The following LARS2 variants were observed in gnomAD, a reference collection of about 807,000 sequenced individuals.
The protein encoded by LARS2 is leucine--tRNA ligase, mitochondrial.
In LARS2, 81 loss-of-function variants were observed where a neutral mutation model predicts 116.6. The ratio of observed to expected loss-of-function variants is 0.69; its 90% CI spans 0.58 to 0.84. The LOEUF (loss-of-function observed/expected upper bound fraction) is 0.84. LARS2 is among the 40% of genes least tolerant of loss of function. The pLI is 0.00. For missense variants in LARS2, 968 were observed against 1,114.5 expected, an observed-to-expected ratio of 0.87 and a Z score of 1.87; for synonymous variants, 396 against 407.2, an observed-to-expected ratio of 0.97 and a Z score of 0.33.
intron 4 of LARS2, among the ~76,000 whole-genome samples, chr3:45,407,302 T>C (rs540230564): frequency 6.6e-6 from 1 of 152,336 alleles, no homozygotes; most frequent in East Asian, 1.9e-4. Context: ...GCCCGGAGAG[T>C]GCATAGCATG....
At chr3:45,518,648 A>G (rs1356801776) in intron 18 of LARS2, among the ~76,000 whole-genome samples, 1 of 152,160 alleles carries the variant, frequency 6.6e-6, no homozygotes, top group Non-Finnish European at 1.5e-5. Flanking sequence ...CACAATATCC[A>G]TGTGAACTAT....
intron 6 of LARS2, among the ~76,000 whole-genome samples, chr3:45,438,750 G>A (rs187303624): frequency 3.3e-5 from 5 of 151,800 alleles, no homozygotes; most frequent in Non-Finnish European, 7.4e-5. Context: ...CAGGAGAATC[G>A]CTTGAACGTG....
intron 20 of LARS2, among the ~76,000 whole-genome samples, chr3:45,541,211 A>G (rs1425466576): frequency 1.3e-5 from 2 of 152,150 alleles, no homozygotes; most frequent in Admixed American, 6.5e-5. Context: ...CACTCTGGGA[A>G]ACGGGGCTTG....
chr3:45,428,883 C>G (rs892643258), intron 6 of LARS2, among the ~76,000 whole-genome samples: 1 of 151,958 alleles, frequency 6.6e-6, no homozygotes, highest in Non-Finnish European at 1.5e-5. Context: ...ATATATTTCT[C>G]CCCCTGAATT....
chr3:45,461,795 A>G (rs1575270021), intron 8 of LARS2, among the ~76,000 whole-genome samples: 1 of 152,354 alleles, frequency 6.6e-6, no homozygotes, highest in South Asian at 2.1e-4. Context: ...AGGAGATGGT[A>G]ACATCAAGGA....
rs144694969 is a variant in LARS2 at position 45,474,254 on chromosome 3, C to T, written c.762C>T (p.Asp254=). 1.2e-5 allele frequency: 20 copies of T among 1,608,354 alleles called. No homozygotes were observed. In the African/African-American group the frequency reaches 1.3e-4, roughly 11 times the overall value. The change falls in exon 9 of 22, where the codon GAC becomes GAT. Residue 254 remains aspartate (D), a synonymous_variant. Coordinates refer to ENST00000645846, the MANE Select transcript of LARS2 (RefSeq NM_015340.4). The stretch of plus-strand genomic sequence containing the variant: ...TTTCATTTGCACAGGCCATGCAGGA[C>T]GCGTTGGCAGACCTTCCAGAATGGT... ...KTTAYAKAMQ[D]ALADLPEWYG... is the part of the protein sequence containing the mutation.
At chr3:45,433,688 C>T (rs1698757531) in intron 6 of LARS2, among the ~76,000 whole-genome samples, 1 of 152,092 alleles carries the variant, frequency 6.6e-6, no homozygotes, top group African/African-American at 2.4e-5. Context: ...TTGCATCTCT[C>T]ATTGCTCTTT....
intron 4 of LARS2, among the ~76,000 whole-genome samples, chr3:45,411,216 C>T (rs939171487): frequency 6.6e-6 from 1 of 152,126 alleles, no homozygotes; most frequent in Non-Finnish European, 1.5e-5. Flanking sequence ...GAGTTGCAGC[C>T]GAGGCCCTGA....
chr3:45,511,898 C>T (rs1388392036), intron 15 of LARS2, among the ~76,000 whole-genome samples: 1 of 151,330 alleles, frequency 6.6e-6, no homozygotes, highest in Non-Finnish European at 1.5e-5. Context: ...GCCTCAGCCT[C>T]CCAAGCAGCG....
chr3:45,529,447 G>T (rs535566924), intron 20 of LARS2, among the ~76,000 whole-genome samples: 1 of 151,852 alleles, frequency 6.6e-6, no homozygotes, highest in South Asian at 2.1e-4. Context: ...TACTCAGGAG[G>T]CTGAGGCAGG....
chr3:45,468,117 A>T (rs1699458524), intron 8 of LARS2, among the ~76,000 whole-genome samples: 1 of 152,142 alleles, frequency 6.6e-6, no homozygotes, highest in Non-Finnish European at 1.5e-5. Context: ...AAAGATTATT[A>T]TCATTTTGAT....
chr3:45,395,299 A>C (rs989677692), intron 3 of LARS2, among the ~76,000 whole-genome samples: 4 of 152,216 alleles, frequency 2.6e-5, no homozygotes, highest in Non-Finnish European at 4.4e-5. Flanking sequence ...TTGAGGTAGC[A>C]GCTACATGAG....
intron 8 of LARS2, among the ~76,000 whole-genome samples, chr3:45,471,040 T>TAAAAAAAA (rs55749404): frequency 2.3e-5 from 1 of 43,816 alleles, no homozygotes; most frequent in African/African-American, 9.3e-5. Context: ...ATTACAACAC[T>TAAAAAAAA]AAAAAAAAAA....
chr3:45,412,516 T>C (rs919696760), intron 4 of LARS2, among the ~76,000 whole-genome samples: 2 of 152,266 alleles, frequency 1.3e-5, no homozygotes, highest in African/African-American at 2.4e-5. Context: ...TTTATCATTG[T>C]ATTATGCCAT....
At chr3:45,514,947 CTACTGGGTGAGAATACT>C (rs974739083) in intron 16 of LARS2, among the ~76,000 whole-genome samples, 2 of 152,166 alleles carry the variant, frequency 1.3e-5, no homozygotes, top group Middle Eastern at 3.2e-3. Context: ...GTAGTCTTGC[CTACTGGGTGAGAATACT>C]TTGATCAGCA....
intron 20 of LARS2, among the ~76,000 whole-genome samples, chr3:45,524,588 G>A (rs2125759509): frequency 6.6e-6 from 1 of 152,268 alleles, no homozygotes; most frequent in Non-Finnish European, 1.5e-5. Context: ...ACATCATTGG[G>A]ACTGTTAGCC....
chr3:45,494,383 C>A (rs1699973828), intron 13 of LARS2, among the ~76,000 whole-genome samples: 1 of 152,180 alleles, frequency 6.6e-6, no homozygotes, highest in Admixed American at 6.6e-5. Flanking sequence ...TACACTCAAG[C>A]CCATACATGC....
intron 8 of LARS2, among the ~76,000 whole-genome samples, chr3:45,473,423 C>T (rs1389994546): frequency 2.0e-5 from 3 of 150,842 alleles, no homozygotes; most frequent in African/African-American, 7.3e-5. Flanking sequence ...CTTGCTCTGT[C>T]ACCCAGGCTG....
chr3:45,548,409 G>A lies in LARS2; in HGVS notation c.*879G>A, dbSNP rs1412482114. The A allele has an allele frequency of 6.6e-6, 1 of 152,320 alleles. No homozygotes were observed. Among genetic ancestry groups the A allele is most frequent in the Non-Finnish European group, 1.5e-5 (1 of 68,098 alleles). 9.4% of individuals were successfully genotyped at this position (152,320 alleles called of 1,614,324 possible). On this transcript the variant is annotated 3_prime_UTR_variant, in exon 22 of 22. Coordinates refer to ENST00000645846, the MANE Select transcript of LARS2 (RefSeq NM_015340.4). ...CCCAGTAGGGATGCAGCACGCCCCA[G>A]AGGGCTCATGTGGGCCCCAGATGGC...
Sources: allele counts gnomAD v4.1 joint callset (sites outside exome capture counted in the v4.1 genomes callset), GRCh38; gene constraint gnomAD v4.1.1; transcripts MANE v1.5; gene names NCBI Gene and HGNC (gene_info 2026-07-23, HGNC 2026-07-21).